The following ACOX1 variants were observed in gnomAD, a reference collection of about 807,000 sequenced individuals.
The protein encoded by ACOX1 is acyl-CoA oxidase 1.
Under a neutral mutation model 75.5 loss-of-function variants are expected in ACOX1, and 41 were observed. That is an observed-to-expected ratio of 0.54 (90% CI 0.42 to 0.70). The LOEUF (loss-of-function observed/expected upper bound fraction) is 0.70, where lower values mean the gene tolerates loss of function less well. Ranked by LOEUF, ACOX1 falls within the 30% of genes least tolerant of loss-of-function variation. The pLI is 0.00. For synonymous variants in ACOX1, 303 were observed against 298.8 expected, an observed-to-expected ratio of 1.01 and a Z score of -0.15; for missense variants, 630 against 837.5, an observed-to-expected ratio of 0.75 and a Z score of 3.06.
intron 2 of ACOX1, among the ~76,000 whole-genome samples, chr17:75,969,415 G>A (rs1036857631): frequency 1.3e-5 from 2 of 152,104 alleles, no homozygotes; most frequent in African/African-American, 4.8e-5. Flanking sequence ...ATCCACCCAC[G>A]CTGGCCTCCC....
At position 75,942,566 on chromosome 17, in the gene ACOX1, T is replaced by C. The variant is rs1175350626; in HGVS notation, c.*4182A>G. 4 of 152,124 alleles carry C rather than the reference T, an allele frequency of 2.6e-5. No individual in the cohort carries two copies. The highest frequency in any genetic ancestry group is 9.6e-5 in the African/African-American group (4 of 41,534). 9.4% of individuals were successfully genotyped at this position (152,124 alleles called of 1,614,324 possible). On this transcript the variant is annotated 3_prime_UTR_variant, in exon 14 of 14. Coordinates refer to ENST00000293217, the MANE Select transcript of ACOX1 (RefSeq NM_004035.7). ...AAAGAAACAGCAGAAATGACTTCCC[T>C]GCATTATTTCATGAAAATGATCAAA...
intron 2 of ACOX1, among the ~76,000 whole-genome samples, chr17:75,976,991 C>CTTTTTTTTTT (rs1019883355): frequency 3.8e-5 from 3 of 78,902 alleles, no homozygotes; most frequent in African/African-American, 1.0e-4. Context: ...GCAAAAAAGT[C>CTTTTTTTTTT]TTTTTTTTTT....
intron 7 of ACOX1, 104 bp from the exon 8 acceptor site, chr17:75,951,681 T>A: frequency 8.4e-7 from 1 of 1,193,526 alleles, no homozygotes; most frequent in South Asian, 1.3e-5. Flanking sequence ...ACTTATTTAG[T>A]CCTCTTAAGG....
Position 75,963,323 on chromosome 17 carries a change from T to C in ACOX1, c.270-2948A>G, listed in dbSNP as rs184769439. ...AAATGGCACTTGTACCCCCTAAACC[T>C]ATTTTTTAAAAAAAGAACCACCTTG... On this transcript the variant is annotated intron_variant, in intron 2 of 13. Transcript: ENST00000293217. Among the ~76,000 whole-genome samples, 9 of 152,092 alleles carry C rather than the reference T, an allele frequency of 5.9e-5. No homozygotes were observed. In the East Asian group the frequency reaches 1.7e-3, roughly 29 times the overall value.
chr17:75,953,351 T>G, intron 7 of ACOX1, 100 bp downstream of exon 7: 1 of 1,390,884 alleles, frequency 7.2e-7, no homozygotes, highest in Non-Finnish European at 1.0e-6. Flanking sequence ...AATTTTGCAG[T>G]GCTAATGCAT....
Position 75,963,823 on chromosome 17 carries a change from C to T in ACOX1, c.270-3448G>A, listed in dbSNP as rs530064123. On this transcript the variant is annotated intron_variant, in intron 2 of 13. Transcript: ENST00000293217. Reference sequence around the variant, plus strand: ...GTCACCACTGGTAGAGACTCCGTGACGGGTTCACAGGGTTTCCTGGTACTA... The same window carrying T: ...GTCACCACTGGTAGAGACTCCGTGATGGGTTCACAGGGTTTCCTGGTACTA... Among the ~76,000 whole-genome samples, 54 of 151,558 alleles carry T rather than the reference C, an allele frequency of 3.6e-4. 1 individual carries two copies. The highest frequency in any genetic ancestry group is 8.0e-4 in the African/African-American group (33 of 41,294).
chr17:75,968,922 C>CAA (rs34391774), intron 2 of ACOX1, among the ~76,000 whole-genome samples: 1 of 115,176 alleles, frequency 8.7e-6, no homozygotes, highest in Non-Finnish European at 2.0e-5. Context: ...AACTCCGTCT[C>CAA]AAAAAAAAAA....
intron 7 of ACOX1, among the ~76,000 whole-genome samples, chr17:75,952,628 T>C (rs1427268477): frequency 6.6e-6 from 1 of 151,272 alleles, no homozygotes; most frequent in Non-Finnish European, 1.5e-5. Flanking sequence ...TTTTTGAAAA[T>C]AGACCAGCCT....
In ACOX1 at chr17:75,943,013, G is replaced by C. The variant is rs1255913710; in HGVS notation, c.*3735C>G. On this transcript the variant is annotated 3_prime_UTR_variant, in exon 14 of 14. Coordinates refer to ENST00000293217, the MANE Select transcript of ACOX1 (RefSeq NM_004035.7). ...TCCCAGCACTTTGGGAAGTGTGGGG[G>C]GAGTGGGAGTGCAGATCACCTGGCC... is the stretch of plus-strand genomic sequence containing the variant. The C allele has an allele frequency of 6.6e-6, 1 of 152,062 alleles. No individual in the cohort carries two copies. The highest frequency in any genetic ancestry group is 3.2e-3 in the Middle Eastern group (1 of 316). The allele number at this position is 152,062 out of a possible 1,614,324, so 9.4% of individuals were successfully genotyped here. A position where few individuals can be genotyped will look rare whatever the true frequency, so the allele number is the denominator to read the frequency against.
intron 2 of ACOX1, among the ~76,000 whole-genome samples, chr17:75,975,502 A>G (rs1406373377): frequency 1.3e-5 from 2 of 152,216 alleles, no homozygotes; most frequent in African/African-American, 4.8e-5. Flanking sequence ...TCCACTTAGA[A>G]ACAAAAAACT....
In ACOX1 at chr17:75,954,454, C is replaced by T. The variant is rs374489242; in HGVS notation, c.775-834G>A. Among the ~76,000 whole-genome samples, 9 of 131,486 alleles carry T rather than the reference C, an allele frequency of 6.8e-5. No homozygotes were observed. In the East Asian group the frequency reaches 1.3e-3, roughly 19 times the overall value. 86.3% of individuals were successfully genotyped at this position (131,486 alleles called of 152,430 possible). On this transcript the variant is annotated intron_variant, in intron 6 of 13. Transcript: ENST00000293217. ...AGGAGAATCGCTTGAACCCAGGAGG[C>T]GGAGGTTGCAGTGAGCCAAGATCAC...
chr17:75,954,367 A>T (rs1034521914), intron 6 of ACOX1, among the ~76,000 whole-genome samples: 1 of 150,448 alleles, frequency 6.6e-6, no homozygotes, highest in Non-Finnish European at 1.5e-5. Flanking sequence ...CTAAAAATAC[A>T]AAACAATTAG....
At chr17:75,949,966 A>G (rs2065759537) in intron 9 of ACOX1, 69 bp from the exon 10 acceptor site, 22 of 1,560,610 alleles carry the variant, frequency 1.4e-5, no homozygotes, top group Non-Finnish European at 1.8e-5. Context: ...ATGGAGTTTC[A>G]TTCTTGTTGC....
At chr17:75,954,387 G>C (rs1350750141) in intron 6 of ACOX1, among the ~76,000 whole-genome samples, 2 of 150,314 alleles carry the variant, frequency 1.3e-5, no homozygotes, top group African/African-American at 2.4e-5. Flanking sequence ...GCTGGGTGTG[G>C]TGGCGCATGC....
intron 4 of ACOX1, 78 bp downstream of exon 4, chr17:75,957,381 C>A: frequency 9.2e-6 from 12 of 1,307,982 alleles, no homozygotes; most frequent in Non-Finnish European, 1.3e-5. Context: ...CCGACATTAT[C>A]ATAAAAGCTC....
chr17:75,967,771 C>T (rs112965931), intron 2 of ACOX1, among the ~76,000 whole-genome samples: 1 of 148,322 alleles, frequency 6.7e-6, no homozygotes, highest in African/African-American at 2.5e-5. Context: ...GACAGCATGT[C>T]ACTCTGTCAC....
At chr17:75,968,437 A>G (rs1463661884) in intron 2 of ACOX1, among the ~76,000 whole-genome samples, 1 of 126,210 alleles carries the variant, frequency 7.9e-6, no homozygotes. Flanking sequence ...CTCCGTCTCA[A>G]AAAAAAAAAA....
chr17:75,962,818 A>G (rs1222320259), intron 2 of ACOX1, among the ~76,000 whole-genome samples: 1 of 152,200 alleles, frequency 6.6e-6, no homozygotes, highest in Non-Finnish European at 1.5e-5. Flanking sequence ...GGGGTAAAAC[A>G]TGGACATGCA....
At chr17:75,965,337 CA>C (rs11293371) in intron 2 of ACOX1, among the ~76,000 whole-genome samples, 12,967 of 81,472 alleles carry the variant, frequency 0.16, 489 homozygotes, top group African/African-American at 0.26. Flanking sequence ...GACTCTGTCT[CA>C]AAAAAAAAAA....
Sources: gnomAD v4.1 joint callset for allele counts (sites outside exome capture counted in the v4.1 genomes callset) on GRCh38, gnomAD v4.1.1 for gene constraint, MANE v1.5 for transcripts, NCBI Gene and HGNC (gene_info 2026-07-23, HGNC 2026-07-21) for gene names.